Variants in SRCIN1 observed in about 807,000 individuals in gnomAD.
SRCIN1 encodes SRC kinase signaling inhibitor 1, also known as P130Cas-associated protein.
Under a neutral mutation model 116.2 loss-of-function variants are expected in SRCIN1, and 50 were observed. The ratio of observed to expected loss-of-function variants is 0.43; its 90% CI spans 0.34 to 0.54. SRCIN1 has a LOEUF of 0.54. SRCIN1 is among the 20% of genes least tolerant of loss of function. SRCIN1 has a pLI of 0.02. For missense variants in SRCIN1, 1,446 were observed against 1,672.0 expected (o/e 0.86, Z 2.36); for synonymous variants, 736 against 750.0 (o/e 0.98, Z 0.30).
intron 18 of SRCIN1, among the ~76,000 whole-genome samples, chr17:38,537,561 G>A (rs1904465005): frequency 6.6e-6 from 1 of 152,154 alleles, no homozygotes; most frequent in Admixed American, 6.6e-5. Context: ...GGAGGCCGAG[G>A]CGGGCGGATC....
rs906953528 is a variant in SRCIN1 at position 38,533,155 on chromosome 17, G to C, written c.*142C>G. The C allele has an allele frequency of 1.9e-5, 18 of 925,506 alleles. No individual in the cohort carries two copies. Among genetic ancestry groups the C allele is most frequent in the Middle Eastern group, 7.6e-4 (2 of 2,648 alleles). The allele number at this position is 925,506 out of a possible 1,614,324, so 57.3% of individuals were successfully genotyped here. Reference sequence around the variant, plus strand: ...ACAGATGATGGGTAGGGGTCGCTGAGGAGGGCCGCACCCTCCTCTTCAGGG... The same window carrying C: ...ACAGATGATGGGTAGGGGTCGCTGACGAGGGCCGCACCCTCCTCTTCAGGG... On this transcript the variant is annotated 3_prime_UTR_variant, in exon 19 of 19. Transcript: ENST00000617146.
At chr17:38,541,241 A>AAAAATAAAAT (rs201262978) in intron 18 of SRCIN1, 73 of 149,030 alleles carry the variant, frequency 4.9e-4, no homozygotes, top group Middle Eastern at 6.8e-3. Context: ...CCTGCCTCAA[A>AAAAATAAAAT]AAAATAAAAT....
chr17:38,533,618 G>C (rs1419475049), intron 18 of SRCIN1, among the ~76,000 whole-genome samples, 187 bp from the exon 19 acceptor site: 4 of 150,806 alleles, frequency 2.7e-5, no homozygotes, highest in South Asian at 2.1e-4. Flanking sequence ...GCAGAAAAGG[G>C]GGGGGAGGGG....
At position 38,530,121 on chromosome 17, in the gene SRCIN1, A is replaced by G. The variant is rs2040899618; in HGVS notation, c.*3176T>C. The G allele has an allele frequency of 6.6e-6, 1 of 152,266 alleles. No homozygotes were observed. The highest frequency in any genetic ancestry group is 1.5e-5 in the Non-Finnish European group (1 of 68,060). 9.4% of individuals were successfully genotyped at this position (152,266 alleles called of 1,614,324 possible). A position where few individuals can be genotyped will look rare whatever the true frequency, so the allele number is the denominator to read the frequency against. ...GAGCAGGGAGCGGGGGAGAAGAAAA[A>G]AGGACATTAAAAAAGAGAGACAGAG... On this transcript the variant is annotated 3_prime_UTR_variant, in exon 19 of 19. Coordinates refer to ENST00000617146, the MANE Select transcript of SRCIN1 (RefSeq NM_025248.3).
rs558580963 is a variant in SRCIN1, at chr17:38,564,357, C to A, written c.346-44G>T. 237 of 1,447,592 alleles carry A rather than the reference C, an allele frequency of 1.6e-4. No homozygotes were observed. In the East Asian group the frequency reaches 1.9e-3, roughly 11 times the overall value. 89.7% of individuals were successfully genotyped at this position (1,447,592 alleles called of 1,614,324 possible). ...GTGAGAGGAACCAAGGATGAGCACC[C>A]CCCCTCCCCTTTGCTTGTCACTGCC... On this transcript the variant is annotated intron_variant, in intron 3 of 18. Coordinates refer to ENST00000617146, the MANE Select transcript of SRCIN1 (RefSeq NM_025248.3).
In SRCIN1 at chr17:38,562,280, T is replaced by G. The variant is rs1906323855; in HGVS notation, c.883A>C (p.Asn295His). The change falls in exon 7 of 19, where the codon AAC (asparagine) becomes CAC (histidine). Residue 295 changes from asparagine (N) to histidine (H), a missense_variant. By Grantham distance (68) the Asn-to-His change is moderately conservative (BLOSUM62 1). Transcript: ENST00000617146. The surrounding 1 kb of genome is among the most constrained non-coding windows in gnomAD (Gnocchi z 4.2). ...AGGTGCGGCGCTGGTGACAGGTTGT[T>G]GAGGCGCCGCGTGGGCGAGGACTCC... is the stretch of plus-strand genomic sequence containing the variant. The part of the protein sequence containing the change: ...SRESSPTRRL[N>H]NLSPAPHLAS... The G allele has an allele frequency of 6.8e-7, 1 of 1,478,516 alleles. No homozygotes were observed. The highest frequency in any genetic ancestry group is 1.5e-5 in the African/African-American group (1 of 67,806). 91.6% of individuals were successfully genotyped at this position (1,478,516 alleles called of 1,614,324 possible).
At chr17:38,560,024 C>G (rs747193980) in intron 9 of SRCIN1, 30 bp downstream of exon 9, 101 of 1,523,216 alleles carry the variant, frequency 6.6e-5, no homozygotes, top group Non-Finnish European at 8.7e-5. Context: ...TCGGAGAGAA[C>G]AAGGATGGGG....
At chr17:38,565,155 G>A (rs566337798) in intron 3 of SRCIN1, among the ~76,000 whole-genome samples, 3 of 152,168 alleles carry the variant, frequency 2.0e-5, no homozygotes, top group African/African-American at 7.2e-5. Context: ...TCTCCGTGGG[G>A]GAGGGGGAGT....
At chr17:38,536,079 G>A (rs541242208) in intron 18 of SRCIN1, among the ~76,000 whole-genome samples, 1 of 152,324 alleles carries the variant, frequency 6.6e-6, no homozygotes, top group African/African-American at 2.4e-5. Flanking sequence ...GCCAGTGCAA[G>A]ACCTTTAGAC....
At position 38,568,123 on chromosome 17, in the gene SRCIN1, C is replaced by T. The variant is rs1036604505; in HGVS notation, c.345+88G>A. ...AAGGTGTCCGTGCAGATGCGCACCC[C>T]GGTGCAAAGCCTGTGCAAGGGAGAG... On this transcript the variant is annotated intron_variant, in intron 3 of 18. Coordinates refer to ENST00000617146, the MANE Select transcript of SRCIN1 (RefSeq NM_025248.3). This position sits in a 1 kb window ranked among gnomAD's most constrained non-coding sequence, Gnocchi z 4.5. 2.2e-5 allele frequency: 33 copies of T among 1,509,566 alleles called. No homozygotes were observed. The highest frequency in any genetic ancestry group is 2.0e-4 in the Admixed American group (11 of 56,048). The allele number at this position is 1,509,566 out of a possible 1,614,324, so 93.5% of individuals were successfully genotyped here.
chr17:38,599,735 C>G (rs1251123618), intron 1 of SRCIN1, among the ~76,000 whole-genome samples: 4 of 152,226 alleles, frequency 2.6e-5, no homozygotes, highest in African/African-American at 9.7e-5. Flanking sequence ...CCACCCCCAG[C>G]AGACAGGATG....
At chr17:38,569,428 G>A (rs555775336) in intron 2 of SRCIN1, among the ~76,000 whole-genome samples, 14 of 152,168 alleles carry the variant, frequency 9.2e-5, no homozygotes, top group Admixed American at 3.3e-4. Context: ...CATCGAAGGC[G>A]CCCCTGGGGG....
rs1331431475 is a variant in SRCIN1, at chr17:38,559,789, G to A, written c.1838-17C>T. Reference sequence around the variant, plus strand: ...ACCCACAGGCTGCAGAGGACCACGAGGATGGGAGAAAGTGAACAAACTGTG... The same window carrying A: ...ACCCACAGGCTGCAGAGGACCACGAAGATGGGAGAAAGTGAACAAACTGTG... On this transcript the variant is annotated splice_polypyrimidine_tract_variant and intron_variant, in intron 9 of 18. Transcript: ENST00000617146. 2.0e-6 allele frequency: 3 copies of A among 1,485,556 alleles called. No homozygotes were observed. In the African/African-American group the frequency reaches 4.2e-5, roughly 21 times the overall value. The allele number at this position is 1,485,556 out of a possible 1,614,324, so 92.0% of individuals were successfully genotyped here. A position where few individuals can be genotyped will look rare whatever the true frequency, so the allele number is the denominator to read the frequency against.
In SRCIN1 at chr17:38,563,978, G is replaced by T; in HGVS notation, c.541+140C>A. The stretch of plus-strand genomic sequence containing the variant: ...GAGAGAGATGGAGAGAGCTGGGGTT[G>T]CTTGGGGAGAAGGGGCTGTGGGAAA... On this transcript the variant is annotated intron_variant, in intron 4 of 18. Coordinates refer to ENST00000617146, the MANE Select transcript of SRCIN1 (RefSeq NM_025248.3). This position sits in a 1 kb window ranked among gnomAD's most constrained non-coding sequence, Gnocchi z 5.8. 1.1e-6 allele frequency: 1 copy of T among 951,816 alleles called. No homozygotes were observed. Among genetic ancestry groups the T allele is most frequent in the Non-Finnish European group, 1.6e-6 (1 of 638,160 alleles). 59.0% of individuals were successfully genotyped at this position (951,816 alleles called of 1,614,324 possible).
At chr17:38,577,831 C>T (rs2143311024) in intron 2 of SRCIN1, among the ~76,000 whole-genome samples, 1 of 152,292 alleles carries the variant, frequency 6.6e-6, no homozygotes, top group Middle Eastern at 3.4e-3. Context: ...GAGACGGGTC[C>T]TGGTCTAGAC....
At chr17:38,560,661 C>T (rs1906176153) in intron 7 of SRCIN1, among the ~76,000 whole-genome samples, 1 of 152,208 alleles carries the variant, frequency 6.6e-6, no homozygotes, top group South Asian at 2.1e-4. Flanking sequence ...AATGCTTTCC[C>T]CTGCCTGCTC....
Position 38,604,612 on chromosome 17 carries a change from T to G in SRCIN1, c.22+1072A>C. The G allele has an allele frequency of 2.3e-6, 1 of 435,604 alleles. No individual in the cohort carries two copies. Among genetic ancestry groups the G allele is most frequent in the Non-Finnish European group, 4.6e-6 (1 of 218,036 alleles). The allele number at this position is 435,604 out of a possible 1,614,324, so 27.0% of individuals were successfully genotyped here. ...ACTGCCAGGGCTGCATGGGGACGCG[T>G]GGGGCTGGGGGACGAGCACCAGCAG... is the stretch of plus-strand genomic sequence containing the variant. On this transcript the variant is annotated intron_variant, in intron 1 of 18. Coordinates refer to ENST00000617146, the MANE Select transcript of SRCIN1 (RefSeq NM_025248.3). The surrounding 1 kb of genome is among the most constrained non-coding windows in gnomAD (Gnocchi z 4.3).
chr17:38,565,723 G>A (rs1168579097), intron 3 of SRCIN1, among the ~76,000 whole-genome samples: 1 of 152,184 alleles, frequency 6.6e-6, no homozygotes, highest in African/African-American at 2.4e-5. Flanking sequence ...TCTTCTGATG[G>A]GCAGTATGCC....
rs1403083320 is a variant in SRCIN1, at chr17:38,530,074, T to C, written c.*3223A>G. 3 of 152,102 alleles carry C rather than the reference T, an allele frequency of 2.0e-5. No individual in the cohort carries two copies. Among genetic ancestry groups the C allele is most frequent in the African/African-American group, 7.2e-5 (3 of 41,386 alleles). 9.4% of individuals were successfully genotyped at this position (152,102 alleles called of 1,614,324 possible). On this transcript the variant is annotated 3_prime_UTR_variant, in exon 19 of 19. Transcript: ENST00000617146. The stretch of plus-strand genomic sequence containing the variant: ...TTTATTAAAGCCCCAAACACTTGGC[T>C]AGAAAAACTGAAAAGGAAAGAGAGC...
Sources: allele counts gnomAD v4.1 joint callset (sites outside exome capture counted in the v4.1 genomes callset), GRCh38; gene constraint gnomAD v4.1.1; non-coding constraint Gnocchi (gnomAD v3.1); transcripts MANE v1.5; gene names NCBI Gene and HGNC (gene_info 2026-07-23, HGNC 2026-07-21).